The following TENT4A variants were observed in gnomAD, a reference collection of about 807,000 sequenced individuals.
TENT4A encodes the protein DNA polymerase kappa.
Under a neutral mutation model 72.8 loss-of-function variants are expected in TENT4A, and 7 were observed. That is an observed-to-expected ratio of 0.10 (90% CI 0.05 to 0.18). The LOEUF (loss-of-function observed/expected upper bound fraction) is 0.18. Among genes scored for constraint, TENT4A ranks in the 10% least tolerant of loss-of-function variants. The pLI is 1.00. For missense variants in TENT4A, 831 were observed against 1,017.7 expected, an observed-to-expected ratio of 0.82 and a Z score of 2.50; for synonymous variants, 456 against 434.3, an observed-to-expected ratio of 1.05 and a Z score of -0.62.
intron 10 of TENT4A, 65 bp downstream of exon 10, chr5:6,750,568 C>A: frequency 7.1e-7 from 1 of 1,402,764 alleles, no homozygotes; most frequent in Non-Finnish European, 9.6e-7. Context: ...ATGTCCATAG[C>A]CGCGAGCTTA....
intron 12 of TENT4A, among the ~76,000 whole-genome samples, chr5:6,754,335 A>G (rs945832596): frequency 2.6e-5 from 4 of 151,990 alleles, no homozygotes; most frequent in Admixed American, 1.3e-4. Flanking sequence ...CACCCAGCCA[A>G]TTTTTGTATT....
chr5:6,740,073 G>A (rs943944771), intron 4 of TENT4A, among the ~76,000 whole-genome samples: 7 of 152,160 alleles, frequency 4.6e-5, no homozygotes, highest in Non-Finnish European at 7.4e-5. Flanking sequence ...GAACTTTTGG[G>A]ACTTGTGAGC....
chr5:6,739,573 G>C (rs954781398), intron 3 of TENT4A, among the ~76,000 whole-genome samples, 159 bp from the exon 4 acceptor site: 1 of 152,222 alleles, frequency 6.6e-6, no homozygotes, highest in African/African-American at 2.4e-5. Context: ...TGTAGTTCAT[G>C]AACTGCACTT....
intron 1 of TENT4A, among the ~76,000 whole-genome samples, chr5:6,717,978 G>A (rs888698482): frequency 1.3e-5 from 2 of 152,214 alleles, no homozygotes; most frequent in Admixed American, 1.3e-4. Flanking sequence ...GTAGTTGAAC[G>A]AGGACACATG....
chr5:6,754,741 C>G lies in TENT4A; in HGVS notation c.2185-10C>G, dbSNP rs1323177698. 1 of 1,562,490 alleles carries G rather than the reference C, an allele frequency of 6.4e-7. No individual in the cohort carries two copies. Among genetic ancestry groups the G allele is most frequent in the Admixed American group, 1.8e-5 (1 of 57,016 alleles). Reference sequence around the variant, plus strand: ...CTGGCTCCAACACTGCTGTCTCTCTCTTTCTCCAGCAGCACAACGGCATGA... The same window carrying G: ...CTGGCTCCAACACTGCTGTCTCTCTGTTTCTCCAGCAGCACAACGGCATGA... On this transcript the variant is annotated splice_polypyrimidine_tract_variant and intron_variant, in intron 12 of 12. Transcript: ENST00000230859.
At chr5:6,725,572 A>G (rs756366663) in intron 1 of TENT4A, among the ~76,000 whole-genome samples, 3 of 152,268 alleles carry the variant, frequency 2.0e-5, no homozygotes, top group Non-Finnish European at 4.4e-5. Context: ...TGTGTGTGCC[A>G]TCTTACACTG....
chr5:6,742,640 G>A (rs1212351662), intron 5 of TENT4A, 43 bp downstream of exon 5: 1 of 1,150,318 alleles, frequency 8.7e-7, no homozygotes, highest in Non-Finnish European at 1.3e-6. Context: ...TGCAGGACTG[G>A]AGTGCTTGTG....
At chr5:6,720,580 G>C (rs915488716) in intron 1 of TENT4A, among the ~76,000 whole-genome samples, 1 of 151,960 alleles carries the variant, frequency 6.6e-6, no homozygotes, top group Admixed American at 6.6e-5. Flanking sequence ...GGAGGCAGAG[G>C]CAGGAGAATC....
At chr5:6,725,140 T>G (rs1459604951) in intron 1 of TENT4A, among the ~76,000 whole-genome samples, 1 of 152,092 alleles carries the variant, frequency 6.6e-6, no homozygotes, top group Admixed American at 6.5e-5. Flanking sequence ...GCTAACACAG[T>G]AAAACCCCAT....
intron 1 of TENT4A, among the ~76,000 whole-genome samples, chr5:6,722,018 T>G (rs1047742014): frequency 3.9e-5 from 6 of 152,222 alleles, no homozygotes; most frequent in Admixed American, 3.9e-4. Context: ...GTCGAATGTA[T>G]TTTGATGTTT....
In TENT4A at chr5:6,749,540, A is replaced by G. The variant is rs374626825; in HGVS notation, c.1587-17A>G. ...ACCTGTTGTACTCTGTTGATCTCCA[A>G]CAATGTCCCTTTGCAGTACTTTAGG... On this transcript the variant is annotated splice_polypyrimidine_tract_variant and intron_variant, in intron 8 of 12. Coordinates refer to ENST00000230859, the MANE Select transcript of TENT4A (RefSeq NM_006999.6). The G allele has an allele frequency of 1.3e-6, 2 of 1,560,362 alleles. No homozygotes were observed. The highest frequency in any genetic ancestry group is 1.4e-5 in the African/African-American group (1 of 73,840).
At chr5:6,715,891 C>T (rs1487790359) in intron 1 of TENT4A, among the ~76,000 whole-genome samples, 1 of 152,016 alleles carries the variant, frequency 6.6e-6, no homozygotes, top group East Asian at 1.9e-4. Context: ...GCAGACTCCT[C>T]TTCTCTCCCT....
chr5:6,714,334 C>G lies in TENT4A; in HGVS notation c.351C>G (p.Ser117=). 8.9e-7 allele frequency: 1 copy of G among 1,128,388 alleles called. No homozygotes were observed. The highest frequency in any genetic ancestry group is 1.1e-6 in the Non-Finnish European group (1 of 922,178). 69.9% of individuals were successfully genotyped at this position (1,128,388 alleles called of 1,614,324 possible). ...CGTCCTCGTCGTCGTCCTCCTCGTC[C>G]AACGCGGAGTCGGGCACCGAGAGCC... ...SLSSSSSSSS[S]NAESGTESPG... The change falls in exon 1 of 13, where the codon TCC becomes TCG. Residue 117 remains serine, a synonymous_variant. Coordinates refer to ENST00000230859, the MANE Select transcript of TENT4A (RefSeq NM_006999.6).
At chr5:6,744,102 A>G (rs1323482970) in intron 6 of TENT4A, among the ~76,000 whole-genome samples, 2 of 152,232 alleles carry the variant, frequency 1.3e-5, no homozygotes, top group Non-Finnish European at 2.9e-5. Flanking sequence ...GTCCAAGCTC[A>G]GGGAATTCTC....
chr5:6,748,886 T>C (rs560830721), intron 8 of TENT4A, among the ~76,000 whole-genome samples: 12 of 152,304 alleles, frequency 7.9e-5, no homozygotes, highest in East Asian at 1.9e-4. Context: ...TCTTCTCTTA[T>C]GTACACTCGT....
At chr5:6,740,531 A>G (rs771689011) in intron 4 of TENT4A, among the ~76,000 whole-genome samples, 31 of 152,112 alleles carry the variant, frequency 2.0e-4, no homozygotes, top group Non-Finnish European at 3.7e-4. Context: ...TGTTTAGCAG[A>G]ATGTAAGTTA....
intron 9 of TENT4A, 75 bp from the exon 10 acceptor site, chr5:6,750,256 C>T (rs1742323040): frequency 1.3e-5 from 17 of 1,312,430 alleles, no homozygotes; most frequent in Middle Eastern, 1.9e-4. Context: ...CAGCAGAGCC[C>T]GTGACTGATG....
At position 6,754,940 on chromosome 5, in the gene TENT4A, A is replaced by C; in HGVS notation, c.2374A>C (p.Arg792=). Residue 792 remains arginine (R), a synonymous_variant, in exon 13 of 13, where the codon AGA becomes CGA. Coordinates refer to ENST00000230859, the MANE Select transcript of TENT4A (RefSeq NM_006999.6). ...GGACAGTCTGCCCGTGAGCCTCAGC[A>C]GATAATGGCTCCTGGCTGCGTCAGC... ...TRDSLPVSLS[R] is the part of the protein sequence containing the mutation. The C allele has an allele frequency of 6.3e-7, 1 of 1,577,024 alleles. No homozygotes were observed. The highest frequency in any genetic ancestry group is 8.7e-7 in the Non-Finnish European group (1 of 1,152,800).
intron 12 of TENT4A, among the ~76,000 whole-genome samples, chr5:6,754,352 A>G (rs1400337250): frequency 6.6e-6 from 1 of 152,148 alleles, no homozygotes; most frequent in African/African-American, 2.4e-5. Context: ...TATTTTTAGT[A>G]GAGACGGGGT....
Sources: gnomAD v4.1 joint callset for allele counts (sites outside exome capture counted in the v4.1 genomes callset) on GRCh38, gnomAD v4.1.1 for gene constraint, MANE v1.5 for transcripts, NCBI Gene and HGNC (gene_info 2026-07-23, HGNC 2026-07-21) for gene names.